ZNF609: variants seen among roughly 807,000 people sequenced by gnomAD.
ZNF609 encodes zinc finger protein 609.
ZNF609 carries 11 observed loss-of-function variants against 109.5 expected under a neutral mutation model. That is an observed-to-expected ratio of 0.10 (90% CI 0.06 to 0.17). The LOEUF (loss-of-function observed/expected upper bound fraction) is 0.17, where lower values mean the gene tolerates loss of function less well. Among genes scored for constraint, ZNF609 ranks in the 10% least tolerant of loss-of-function variants. The probability of loss-of-function intolerance (pLI) is 1.00; values close to 1 mark genes in which losing one functional copy is unlikely to be tolerated. For missense variants in ZNF609, 1,559 were observed against 1,772.4 expected, an observed-to-expected ratio of 0.88 and a Z score of 2.16; for synonymous variants, 646 against 662.0, an observed-to-expected ratio of 0.98 and a Z score of 0.37.
At chr15:64,575,542 G>A (rs1333763255) in intron 2 of ZNF609, among the ~76,000 whole-genome samples, 1 of 152,144 alleles carries the variant, frequency 6.6e-6, no homozygotes, top group Non-Finnish European at 1.5e-5. Context: ...TAACAACCAT[G>A]GAGGAACTTC....
chr15:64,624,669 T>A (rs1895924093), intron 3 of ZNF609, among the ~76,000 whole-genome samples: 1 of 152,060 alleles, frequency 6.6e-6, no homozygotes, highest in African/African-American at 2.4e-5. Flanking sequence ...CACATAATTT[T>A]TTTTTATTTT....
intron 2 of ZNF609, among the ~76,000 whole-genome samples, chr15:64,505,970 G>A (rs1434915048): frequency 2.0e-5 from 3 of 151,796 alleles, no homozygotes; most frequent in East Asian, 1.9e-4. Context: ...GTGAGACTCC[G>A]TCTCAAAAAA....
chr15:64,627,243 C>T (rs1202060957), intron 3 of ZNF609, among the ~76,000 whole-genome samples: 1 of 151,936 alleles, frequency 6.6e-6, no homozygotes, highest in Non-Finnish European at 1.5e-5. Flanking sequence ...ATTCTGGGTT[C>T]ACAAGGCTTA....
At chr15:64,594,800 G>A (rs1278461477) in intron 2 of ZNF609, among the ~76,000 whole-genome samples, 4 of 151,372 alleles carry the variant, frequency 2.6e-5, no homozygotes, top group African/African-American at 9.7e-5. Context: ...GCCAAGGCGG[G>A]TGGATCATGA....
intron 2 of ZNF609, among the ~76,000 whole-genome samples, chr15:64,521,803 G>T (rs1387324070): frequency 1.3e-5 from 2 of 152,140 alleles, no homozygotes; most frequent in African/African-American, 4.8e-5. Flanking sequence ...AGGAAAAAAG[G>T]AAGAGGAATA....
chr15:64,569,909 T>C (rs1040819045), intron 2 of ZNF609, among the ~76,000 whole-genome samples: 6 of 152,268 alleles, frequency 3.9e-5, no homozygotes, highest in African/African-American at 1.4e-4. Flanking sequence ...TTGACTTTTC[T>C]TTTTCTTTCT....
chr15:64,524,483 G>A (rs1893940624), intron 2 of ZNF609, among the ~76,000 whole-genome samples: 1 of 151,346 alleles, frequency 6.6e-6, no homozygotes, highest in South Asian at 2.1e-4. Context: ...AGAATTGCTT[G>A]AACCCGGGAG....
At chr15:64,654,740 G>C (rs558788878) in intron 3 of ZNF609, among the ~76,000 whole-genome samples, 7 of 152,116 alleles carry the variant, frequency 4.6e-5, no homozygotes, top group Non-Finnish European at 1.0e-4. Context: ...TAAGTGATAG[G>C]TATAGGTATT....
At position 64,674,655 on chromosome 15, in the gene ZNF609, C is replaced by T; in HGVS notation, c.1801C>T (p.Leu601Phe). ...KKLSGEGDTD[L>F]GALSNDGSDD... ...GTTGAGTGGGGAAGGGGACACAGAC[C>T]TTGGGGCCTTATCCAATGATGGCTC... Residue 601 changes from leucine (L) to phenylalanine (F), a missense_variant, in exon 5 of 10, where the codon CTT becomes TTT. Leu to Phe is a conservative substitution (Grantham distance 22). This residue lies in a region of ZNF609 where 1,204 missense variants were observed against 1,314.1 expected (regional missense o/e 0.92). Coordinates refer to ENST00000326648, the MANE Select transcript of ZNF609 (RefSeq NM_015042.2). 6.2e-7 allele frequency: 1 copy of T among 1,614,148 alleles called. No individual in the cohort carries two copies. Among genetic ancestry groups the T allele is most frequent in the Non-Finnish European group, 8.5e-7 (1 of 1,180,044 alleles).
intron 3 of ZNF609, among the ~76,000 whole-genome samples, chr15:64,639,907 T>C (rs1896228510): frequency 6.6e-6 from 1 of 152,064 alleles, no homozygotes; most frequent in Non-Finnish European, 1.5e-5. Flanking sequence ...GTTGAGTTCC[T>C]CTTTTTTTGC....
At chr15:64,588,249 C>T (rs28529861) in intron 2 of ZNF609, among the ~76,000 whole-genome samples, 1 of 89,540 alleles carries the variant, frequency 1.1e-5, no homozygotes, top group Non-Finnish European at 2.3e-5. Flanking sequence ...ACCCCCGTCT[C>T]TACTAAAAAT....
At chr15:64,641,219 C>CTTTTTTTTTTT (rs34007985) in intron 3 of ZNF609, among the ~76,000 whole-genome samples, 40,595 of 69,028 alleles carry the variant, frequency 0.59, 12,628 homozygotes, top group East Asian at 0.72. Flanking sequence ...CTTGTGCTTT[C>CTTTTTTTTTTT]TTTTTTTTTT....
At chr15:64,509,317 T>C (rs188923650) in intron 2 of ZNF609, among the ~76,000 whole-genome samples, 9 of 152,234 alleles carry the variant, frequency 5.9e-5, no homozygotes, top group Admixed American at 5.9e-4. Flanking sequence ...AAGTAAATAA[T>C]AGTACTGACC....
At chr15:64,547,600 C>T (rs1894387390) in intron 2 of ZNF609, among the ~76,000 whole-genome samples, 1 of 151,794 alleles carries the variant, frequency 6.6e-6, no homozygotes, top group South Asian at 2.1e-4. Flanking sequence ...AACCAGGTTA[C>T]TCAGGAGGAT....
chr15:64,567,205 G>T (rs1894789352), intron 2 of ZNF609, among the ~76,000 whole-genome samples: 2 of 152,090 alleles, frequency 1.3e-5, no homozygotes, highest in Admixed American at 1.3e-4. Context: ...TTGCATTCCA[G>T]CTGGGCGCCA....
chr15:64,676,555 C>T (rs1273913502), intron 5 of ZNF609, among the ~76,000 whole-genome samples: 3 of 151,842 alleles, frequency 2.0e-5, no homozygotes, highest in South Asian at 2.1e-4. Flanking sequence ...CTCAGCCTCC[C>T]GAGTAGCTGA....
intron 2 of ZNF609, among the ~76,000 whole-genome samples, chr15:64,582,591 G>T (rs901261156): frequency 6.6e-6 from 1 of 151,916 alleles, no homozygotes; most frequent in African/African-American, 2.4e-5. Flanking sequence ...CTTACTTCAT[G>T]CCTGTATCTG....
chr15:64,573,236 T>C (rs1018240170), intron 2 of ZNF609, among the ~76,000 whole-genome samples: 2 of 150,496 alleles, frequency 1.3e-5, no homozygotes, highest in Non-Finnish European at 3.0e-5. Flanking sequence ...TTTTTTTTCC[T>C]AAATAGCAGT....
At chr15:64,545,343 C>T (rs1457681195) in intron 2 of ZNF609, among the ~76,000 whole-genome samples, 3 of 152,016 alleles carry the variant, frequency 2.0e-5, no homozygotes, top group African/African-American at 7.2e-5. Context: ...GAACTATAGG[C>T]TCACGCTACC....
Sources: allele counts gnomAD v4.1 joint callset (sites outside exome capture counted in the v4.1 genomes callset), GRCh38; gene constraint gnomAD v4.1.1; regional missense constraint gnomAD v4.1.1; transcripts MANE v1.5; gene names NCBI Gene and HGNC (gene_info 2026-07-23, HGNC 2026-07-21).